The following BMP2K variants were observed in gnomAD, a reference collection of about 807,000 sequenced individuals.
BMP2K encodes BMP-2-inducible protein kinase.
Under a neutral mutation model 116.0 loss-of-function variants are expected in BMP2K, and 74 were observed. The ratio of observed to expected loss-of-function variants is 0.64; its 90% CI spans 0.53 to 0.77. The LOEUF (loss-of-function observed/expected upper bound fraction) is 0.77. BMP2K is among the 30% of genes least tolerant of loss of function. BMP2K has a pLI of 0.00. For missense variants in BMP2K, 1,365 were observed against 1,403.6 expected (o/e 0.97, Z 0.44); for synonymous variants, 486 against 502.5 (o/e 0.97, Z 0.44).
At chr4:78,854,175 T>G (rs1731390257) in intron 7 of BMP2K, among the ~76,000 whole-genome samples, 1 of 151,030 alleles carries the variant, frequency 6.6e-6, no homozygotes, top group Non-Finnish European at 1.5e-5. Flanking sequence ...TTTTTTTTTT[T>G]TTTTTTAAAC....
chr4:78,833,526 A>T, intron 2 of BMP2K, 56 bp from the exon 3 acceptor site: 1 of 1,182,252 alleles, frequency 8.5e-7, no homozygotes, highest in Non-Finnish European at 1.2e-6. Flanking sequence ...AACCATTACT[A>T]ATTCTATACC....
Position 78,913,995 on chromosome 4 carries a change from ACTTT to A in BMP2K, c.*1967_*1970del, listed in dbSNP as rs1170079458. Reference sequence around the variant, plus strand: ...ACTTTACAAAATAGATTCAAGTGATACTTTCTTTTAAAAGTGAAGAGTTGATGAT... The same window carrying A: ...ACTTTACAAAATAGATTCAAGTGATACTTTTAAAAGTGAAGAGTTGATGAT... On this transcript the variant is annotated 3_prime_UTR_variant, in exon 16 of 16. Transcript: ENST00000502613. 3.3e-5 allele frequency: 5 copies of A among 152,046 alleles called. No homozygotes were observed. The highest frequency in any genetic ancestry group is 9.7e-5 in the African/African-American group (4 of 41,418). 9.4% of individuals were successfully genotyped at this position (152,046 alleles called of 1,614,324 possible). A position where few individuals can be genotyped will look rare whatever the true frequency, so the allele number is the denominator to read the frequency against.
At chr4:78,811,229 G>A (rs1178411579) in intron 1 of BMP2K, among the ~76,000 whole-genome samples, 1 of 152,176 alleles carries the variant, frequency 6.6e-6, no homozygotes, top group East Asian at 1.9e-4. Flanking sequence ...ATTCCTAAAA[G>A]CTGAAGAATC....
rs764512867 is a variant in BMP2K at position 78,910,864 on chromosome 4, A to G, written c.2317A>G (p.Asn773Asp). ...EVLQGEQGDF[N>D]DDDTEPENLG... is the part of the protein sequence containing the mutation. ...TCTTCAGGGGGAACAAGGAGATTTT[A>G]ATGATGATGATACTGAACCAGAAAA... Residue 773 changes from asparagine to aspartate, a missense_variant, in exon 16 of 16, where the codon AAT (asparagine) becomes GAT (aspartate). Physicochemically the swap from Asn to Asp is conservative, Grantham distance 23. This residue lies in a region of BMP2K where 596 missense variants were observed against 623.2 expected (regional missense o/e 0.96). Coordinates refer to ENST00000502613, the MANE Select transcript of BMP2K (RefSeq NM_198892.2). 8.1e-6 allele frequency: 13 copies of G among 1,613,882 alleles called. No homozygotes were observed. The Admixed American group carries it at 2.2e-4, about 27-fold the overall frequency.
intron 1 of BMP2K, among the ~76,000 whole-genome samples, chr4:78,801,201 G>T (rs1473211648): frequency 6.6e-6 from 1 of 152,000 alleles, no homozygotes; most frequent in Non-Finnish European, 1.5e-5. Context: ...TCTATTTTTA[G>T]ATTTTTACAA....
Position 78,911,222 on chromosome 4 carries a change from A to G in BMP2K, c.2675A>G (p.Gln892Arg), listed in dbSNP as rs752376787. 3.7e-6 allele frequency: 6 copies of G among 1,613,980 alleles called. No individual in the cohort carries two copies. The highest frequency in any genetic ancestry group is 4.2e-6 in the Non-Finnish European group (5 of 1,179,868). The change falls in exon 16 of 16, where the codon CAG becomes CGG. Residue 892 changes from glutamine to arginine, a missense_variant. Coordinates refer to ENST00000502613, the MANE Select transcript of BMP2K (RefSeq NM_198892.2). The part of the protein sequence containing the change: ...QHRFPAAGLE[Q>R]EEFDVFTKAP... Reference sequence around the variant, plus strand: ...AGGTTTCCTGCTGCAGGACTGGAGCAGGAGGAATTTGATGTATTCACAAAG... The same window carrying G: ...AGGTTTCCTGCTGCAGGACTGGAGCGGGAGGAATTTGATGTATTCACAAAG...
At chr4:78,788,992 C>A (rs999513646) in intron 1 of BMP2K, among the ~76,000 whole-genome samples, 2 of 126,434 alleles carry the variant, frequency 1.6e-5, no homozygotes, top group Non-Finnish European at 1.7e-5. Context: ...TGATTTTTTT[C>A]TTTTTTTCTT....
chr4:78,812,790 T>C (rs1047608202), intron 1 of BMP2K, among the ~76,000 whole-genome samples: 3 of 152,156 alleles, frequency 2.0e-5, no homozygotes, highest in African/African-American at 7.2e-5. Context: ...CACAGCACTT[T>C]GGGAGGCCAA....
At chr4:78,869,626 C>T (rs181611187) in intron 10 of BMP2K, among the ~76,000 whole-genome samples, 1 of 152,070 alleles carries the variant, frequency 6.6e-6, no homozygotes, top group East Asian at 1.9e-4. Context: ...TCAATATGTA[C>T]TCCATGAATA....
intron 1 of BMP2K, among the ~76,000 whole-genome samples, chr4:78,790,499 T>G (rs1387970130): frequency 1.3e-5 from 2 of 152,178 alleles, no homozygotes; most frequent in Admixed American, 6.5e-5. Flanking sequence ...TGAAAAAAAT[T>G]TATATTGTTT....
In BMP2K at chr4:78,913,016, C is replaced by T. The variant is rs557749206; in HGVS notation, c.*983C>T. ...TTTATTTTATGAAGAAAATATGTAG[C>T]GGAAACTGAATTTTCAAGACATTTA... On this transcript the variant is annotated 3_prime_UTR_variant, in exon 16 of 16. Coordinates refer to ENST00000502613, the MANE Select transcript of BMP2K (RefSeq NM_198892.2). The T allele has an allele frequency of 5.9e-5, 9 of 152,164 alleles. No homozygotes were observed. The South Asian group carries it at 1.2e-3, about 21-fold the overall frequency. 9.4% of individuals were successfully genotyped at this position (152,164 alleles called of 1,614,324 possible).
chr4:78,850,968 T>G lies in BMP2K; in HGVS notation c.795T>G (p.Pro265=). The G allele has an allele frequency of 6.2e-7, 1 of 1,612,246 alleles. No individual in the cohort carries two copies. Among genetic ancestry groups the G allele is most frequent in the Non-Finnish European group, 8.5e-7 (1 of 1,178,812 alleles). ...ATAAACTTTGTTTCTTCACTCTTCC[T>G]TTTGGTGAGAGTCAGGTTGCTATCT... The part of the protein sequence containing the change: ...LLYKLCFFTL[P]FGESQVAICD... Residue 265 remains proline (P), a synonymous_variant, in exon 7 of 16, where the codon CCT becomes CCG. Coordinates refer to ENST00000502613, the MANE Select transcript of BMP2K (RefSeq NM_198892.2).
At chr4:78,800,382 G>C (rs943294133) in intron 1 of BMP2K, among the ~76,000 whole-genome samples, 1 of 152,164 alleles carries the variant, frequency 6.6e-6, no homozygotes, top group Non-Finnish European at 1.5e-5. Flanking sequence ...TAGTGGTCAG[G>C]AGGAGTTAAC....
chr4:78,885,764 A>C (rs1364135835), intron 14 of BMP2K, among the ~76,000 whole-genome samples: 1 of 152,168 alleles, frequency 6.6e-6, no homozygotes, highest in Non-Finnish European at 1.5e-5. Context: ...AATGAGTCTC[A>C]AATAGAATTT....
intron 10 of BMP2K, among the ~76,000 whole-genome samples, chr4:78,868,265 TGAG>T (rs1349612443): frequency 2.0e-5 from 3 of 151,144 alleles, no homozygotes; most frequent in African/African-American, 7.3e-5. Context: ...CAAGAGAAAA[TGAG>T]GAGGAAGCAA....
At chr4:78,908,340 C>T (rs535737080) in intron 15 of BMP2K, among the ~76,000 whole-genome samples, 1 of 152,272 alleles carries the variant, frequency 6.6e-6, no homozygotes, top group East Asian at 1.9e-4. Context: ...CCATCCAGCT[C>T]AGTTGTCTGT....
At chr4:78,826,563 T>C (rs1036671525) in intron 2 of BMP2K, among the ~76,000 whole-genome samples, 1 of 152,170 alleles carries the variant, frequency 6.6e-6, no homozygotes, top group Non-Finnish European at 1.5e-5. Context: ...TAATAATCTT[T>C]GAAGATCATT....
At chr4:78,811,722 A>G (rs970226916) in intron 1 of BMP2K, among the ~76,000 whole-genome samples, 2 of 152,222 alleles carry the variant, frequency 1.3e-5, no homozygotes, top group Non-Finnish European at 2.9e-5. Flanking sequence ...ATCCATTTAT[A>G]AAGATATTTC....
chr4:78,837,076 T>C lies in BMP2K; in HGVS notation c.403+3389T>C, dbSNP rs182631550. 2.2e-3 allele frequency among the ~76,000 whole-genome samples: 325 copies of C among 144,654 alleles called. 1 individual carries two copies. The highest frequency in any genetic ancestry group is 9.0e-3 in the African/African-American group (308 of 34,398). 94.9% of individuals were successfully genotyped at this position (144,654 alleles called of 152,430 possible). On this transcript the variant is annotated intron_variant, in intron 3 of 15. Coordinates refer to ENST00000502613, the MANE Select transcript of BMP2K (RefSeq NM_198892.2). Reference sequence around the variant, plus strand: ...CTTTCTAGATTGATAATCCTCTGATTTTCTTTTCTTATTTTCCTTTTCTTT... The same window carrying C: ...CTTTCTAGATTGATAATCCTCTGATCTTCTTTTCTTATTTTCCTTTTCTTT...
Sources: gnomAD v4.1 joint callset for allele counts (sites outside exome capture counted in the v4.1 genomes callset) on GRCh38, gnomAD v4.1.1 for gene constraint, gnomAD v4.1.1 regional missense constraint, MANE v1.5 for transcripts, NCBI Gene and HGNC (gene_info 2026-07-23, HGNC 2026-07-21) for gene names.